The following GLRA2 variants were observed in gnomAD, a reference collection of about 807,000 sequenced individuals.
GLRA2 encodes the protein glycine receptor subunit alpha-2.
In GLRA2, 11 loss-of-function variants were observed where a neutral mutation model predicts 31.6. The observed-to-expected ratio is 0.35, with a 90% CI of 0.22 to 0.58. GLRA2 has a LOEUF of 0.58. GLRA2 is among the 20% of genes least tolerant of loss of function. GLRA2 has a pLI of 0.84. For missense variants in GLRA2, 212 were observed against 351.8 expected (o/e 0.60, Z 3.18); for synonymous variants, 132 against 134.0 (o/e 0.99, Z 0.10).
the GLRA2 span, among the ~76,000 whole-genome samples, chrX:14,490,726 T>C: frequency 8.9e-6 from 1 of 111,917 alleles, no homozygotes; most frequent in Non-Finnish European, 1.9e-5. Context: ...TGGTAGTGGC[T>C]TCTTGTGTAA....
chrX:14,556,065 A>C (rs955066510), intron 2 of GLRA2, among the ~76,000 whole-genome samples: 1 of 112,021 alleles, frequency 8.9e-6, no homozygotes, highest in African/African-American at 3.2e-5. Context: ...TATAGGGAGA[A>C]TCATGCAAAA....
chrX:14,537,756 A>T (rs1345769575), intron 2 of GLRA2, among the ~76,000 whole-genome samples: 1 of 110,529 alleles, frequency 9.0e-6, no homozygotes, highest in Non-Finnish European at 1.9e-5. Flanking sequence ...AAGAATATTG[A>T]TGGTGCAAGG....
intron 2 of GLRA2, among the ~76,000 whole-genome samples, chrX:14,543,672 A>G (rs1362756235): frequency 8.9e-6 from 1 of 111,780 alleles, no homozygotes; most frequent in Admixed American, 9.6e-5. Flanking sequence ...TGTTTCCCAA[A>G]ACTGTAGTCC....
intron 8 of GLRA2, among the ~76,000 whole-genome samples, chrX:14,714,968 T>C (rs1168496166): frequency 8.9e-6 from 1 of 112,432 alleles, no homozygotes; most frequent in East Asian, 2.8e-4. Flanking sequence ...CTATGGGTGT[T>C]AACTGATAAG....
intron 2 of GLRA2, among the ~76,000 whole-genome samples, chrX:14,555,278 A>T (rs1282386907): frequency 8.9e-6 from 1 of 112,075 alleles, no homozygotes; most frequent in African/African-American, 3.2e-5. Flanking sequence ...GATATTTCAC[A>T]TTTACATTAT....
At chrX:14,486,602 A>C in the GLRA2 span, among the ~76,000 whole-genome samples, 1 of 111,695 alleles carries the variant, frequency 9.0e-6, no homozygotes, top group East Asian at 2.8e-4. Context: ...TCCTATAAAT[A>C]ATCTGGGGAT....
At chrX:14,723,978 C>T (rs1332507966) in intron 8 of GLRA2, among the ~76,000 whole-genome samples, 4 of 111,977 alleles carry the variant, frequency 3.6e-5, no homozygotes, top group African/African-American at 1.3e-4. Context: ...TTGCTCTCCA[C>T]TGGATCCCCG....
intron 7 of GLRA2, among the ~76,000 whole-genome samples, chrX:14,639,200 T>C (rs2090747150): frequency 9.0e-6 from 1 of 111,558 alleles, no homozygotes. Context: ...TTCAAATTCC[T>C]GCTAATCTTC....
chrX:14,629,555 G>T (rs1424487306), intron 7 of GLRA2, among the ~76,000 whole-genome samples: 1 of 111,439 alleles, frequency 9.0e-6, no homozygotes, highest in Non-Finnish European at 1.9e-5. Flanking sequence ...CCACTCAGGG[G>T]TTTTTAAATT....
chrX:14,547,043 A>C (rs1483565372), intron 2 of GLRA2, among the ~76,000 whole-genome samples: 1 of 111,801 alleles, frequency 8.9e-6, no homozygotes, highest in Non-Finnish European at 1.9e-5. Flanking sequence ...CATCAGTGAC[A>C]TCATGTAATA....
chrX:14,580,973 T>C (rs1380944979), intron 3 of GLRA2, among the ~76,000 whole-genome samples: 2 of 111,973 alleles, frequency 1.8e-5, no homozygotes, highest in Non-Finnish European at 3.8e-5. Flanking sequence ...GTTTTATTGG[T>C]GTTCTGGTTT....
chrX:14,683,101 T>C (rs2091234126), intron 7 of GLRA2, among the ~76,000 whole-genome samples: 1 of 111,876 alleles, frequency 8.9e-6, no homozygotes, highest in Admixed American at 9.5e-5. Context: ...GTATTTCTAG[T>C]TCTAAATCCT....
intron 7 of GLRA2, among the ~76,000 whole-genome samples, chrX:14,632,639 C>A (rs1000470218): frequency 9.0e-6 from 1 of 111,089 alleles, no homozygotes; most frequent in African/African-American, 3.3e-5. Flanking sequence ...CTTATAATTG[C>A]TGATTCTTAA....
chrX:14,674,091 T>C (rs1358784245), intron 7 of GLRA2, among the ~76,000 whole-genome samples: 2 of 112,486 alleles, frequency 1.8e-5, no homozygotes, highest in Non-Finnish European at 3.8e-5. Flanking sequence ...ACTATTCTTT[T>C]GCTGTGTGAT....
At chrX:14,493,539 A>G in the GLRA2 span, among the ~76,000 whole-genome samples, 1 of 105,867 alleles carries the variant, frequency 9.4e-6, no homozygotes, top group African/African-American at 3.4e-5. Context: ...ATACACATAT[A>G]TATACTTATA....
the GLRA2 span, among the ~76,000 whole-genome samples, chrX:14,497,948 G>A: frequency 9.0e-5 from 10 of 111,235 alleles, no homozygotes; most frequent in South Asian, 3.8e-3. Flanking sequence ...TAAAGTACCT[G>A]CCATCACAAT....
rs749925474 is a variant in GLRA2, at chrX:14,698,681, C to CAA, written c.1080+7849_1080+7850dup. On this transcript the variant is annotated intron_variant, in intron 8 of 8. Coordinates refer to ENST00000218075, the MANE Select transcript of GLRA2 (RefSeq NM_002063.4). ...CGACAGAGTGAGACTCTATCTATCTCAAAAAAAAAAAAAAAAAAAAAAAAA... is the reference window on the plus strand; with the variant it reads ...CGACAGAGTGAGACTCTATCTATCTCAAAAAAAAAAAAAAAAAAAAAAAAAAA... Among the ~76,000 whole-genome samples, 130 of 21,128 alleles carry CAA rather than the reference C, an allele frequency of 6.2e-3. 7 individuals are homozygous for CAA. The highest frequency in any genetic ancestry group is 0.021 in the African/African-American group (115 of 5,445). The allele number at this position is 21,128 out of a possible 115,157, so 18.3% of individuals were successfully genotyped here. A position where few individuals can be genotyped will look rare whatever the true frequency, so the allele number is the denominator to read the frequency against.
chrX:14,668,111 G>C (rs2091053099), intron 7 of GLRA2, among the ~76,000 whole-genome samples: 1 of 111,716 alleles, frequency 9.0e-6, no homozygotes, highest in African/African-American at 3.3e-5. Context: ...GCAAGATTCA[G>C]TTCCTCCTGT....
chrX:14,625,422 G>A lies in GLRA2; in HGVS notation c.930+16217G>A, dbSNP rs967627942. ...TAGCTGGTTATTTTGCTCGTTAGTTGATGCAGTTTCTTCCTAGCATCGATG... is the reference window on the plus strand; with the variant it reads ...TAGCTGGTTATTTTGCTCGTTAGTTAATGCAGTTTCTTCCTAGCATCGATG... On this transcript the variant is annotated intron_variant, in intron 7 of 8. Coordinates refer to ENST00000218075, the MANE Select transcript of GLRA2 (RefSeq NM_002063.4). Among the ~76,000 whole-genome samples, 14 of 111,552 alleles carry A rather than the reference G, an allele frequency of 1.3e-4. No individual in the cohort carries two copies. In the Admixed American group the frequency reaches 1.3e-3, roughly 11 times the overall value.
Sources: allele counts gnomAD v4.1 joint callset (sites outside exome capture counted in the v4.1 genomes callset), GRCh38; gene constraint gnomAD v4.1.1; transcripts MANE v1.5; gene names NCBI Gene and HGNC (gene_info 2026-07-23, HGNC 2026-07-21).